MTUS2: variants seen among roughly 807,000 people sequenced by gnomAD.
MTUS2 encodes microtubule associated scaffold protein 2, also known as microtubule-associated tumor suppressor candidate 2.
In MTUS2, 40 loss-of-function variants were observed where a neutral mutation model predicts 114.1. The ratio of observed to expected loss-of-function variants is 0.35; its 90% confidence interval spans 0.27 to 0.46. The LOEUF is 0.46. Ranked by LOEUF, MTUS2 falls within the 20% of genes least tolerant of loss-of-function variation. The probability of loss-of-function intolerance (pLI) is 1.00; values close to 1 mark genes in which losing one functional copy is unlikely to be tolerated. For missense variants in MTUS2, 1,679 were observed against 1,705.4 expected, an observed-to-expected ratio of 0.98 and a Z score of 0.27; for synonymous variants, 688 against 672.0, an observed-to-expected ratio of 1.02 and a Z score of -0.37.
intron 1 of MTUS2, among the ~76,000 whole-genome samples, chr13:28,837,345 A>G (rs1459412988): frequency 2.0e-5 from 3 of 152,168 alleles, no homozygotes; most frequent in African/African-American, 7.2e-5. Flanking sequence ...ACTCTTATCT[A>G]GGATTCTGGG....
intron 5 of MTUS2, among the ~76,000 whole-genome samples, chr13:29,184,755 A>G (rs1267837721): frequency 6.6e-6 from 1 of 152,218 alleles, no homozygotes; most frequent in Non-Finnish European, 1.5e-5. Context: ...CAAACGGACG[A>G]CAAACAGCAA....
chr13:28,932,592 G>C (rs1350772107), intron 2 of MTUS2, among the ~76,000 whole-genome samples: 2 of 152,120 alleles, frequency 1.3e-5, no homozygotes, highest in Non-Finnish European at 2.9e-5. Context: ...CTTTATCCAG[G>C]GCTCCACGGG....
chr13:29,279,251 G>A (rs915730840), intron 5 of MTUS2, among the ~76,000 whole-genome samples: 11 of 152,070 alleles, frequency 7.2e-5, no homozygotes, highest in Non-Finnish European at 1.6e-4. Context: ...TCCCAGATCT[G>A]CACCATTAAC....
At chr13:29,110,971 T>C (rs781433896) in intron 5 of MTUS2, among the ~76,000 whole-genome samples, 3 of 152,212 alleles carry the variant, frequency 2.0e-5, no homozygotes, top group African/African-American at 4.8e-5. Flanking sequence ...GAATGATCTT[T>C]GGGAAAGTCA....
intron 2 of MTUS2, among the ~76,000 whole-genome samples, chr13:28,874,506 A>G (rs1471847012): frequency 1.3e-5 from 2 of 152,084 alleles, no homozygotes; most frequent in Middle Eastern, 3.2e-3. Context: ...GCAGTCATCT[A>G]TAGGTGTGGC....
At chr13:29,213,143 A>G (rs964864980) in intron 5 of MTUS2, among the ~76,000 whole-genome samples, 2 of 152,246 alleles carry the variant, frequency 1.3e-5, no homozygotes, top group African/African-American at 4.8e-5. Context: ...GCAAAGTGCA[A>G]GGCTTTTAGG....
At chr13:29,043,520 A>G (rs1056847243) in intron 4 of MTUS2, among the ~76,000 whole-genome samples, 10 of 152,002 alleles carry the variant, frequency 6.6e-5, no homozygotes, top group Middle Eastern at 3.2e-3. Context: ...TAGTGCTGTC[A>G]GTGGGGTACT....
intron 6 of MTUS2, among the ~76,000 whole-genome samples, chr13:29,303,670 C>T (rs1326067697): frequency 6.6e-6 from 1 of 152,020 alleles, no homozygotes; most frequent in African/African-American, 2.4e-5. Flanking sequence ...GATTGGGGTA[C>T]CTGAAAAAGA....
chr13:29,211,258 G>A (rs1304959283), intron 5 of MTUS2, among the ~76,000 whole-genome samples: 1 of 152,176 alleles, frequency 6.6e-6, no homozygotes, highest in Non-Finnish European at 1.5e-5. Context: ...CTGGGGGAAA[G>A]CTGGCAGTGA....
In MTUS2 at chr13:29,200,623, C is replaced by T. The variant is rs531530132; in HGVS notation, c.2645-81081C>T. Among the ~76,000 whole-genome samples, 138 of 143,326 alleles carry T rather than the reference C, an allele frequency of 9.6e-4. 2 individuals carry two copies. In the South Asian group the frequency reaches 0.025, roughly 26 times the overall value. The allele number at this position is 143,326 out of a possible 152,430, so 94.0% of individuals were successfully genotyped here. On this transcript the variant is annotated intron_variant, in intron 5 of 15. Transcript: ENST00000612955. ...GCACCCTCCATTTCCTGGGTTCAAG[C>T]GATTCTTCTGCCTTAGCCTCCCAAG...
At chr13:29,332,981 T>A (rs182874518) in intron 7 of MTUS2, among the ~76,000 whole-genome samples, 1 of 152,104 alleles carries the variant, frequency 6.6e-6, no homozygotes, top group African/African-American at 2.4e-5. Flanking sequence ...ATTTTAGATC[T>A]TTCCCGCTTT....
chr13:28,828,882 T>TA, intron 1 of MTUS2, among the ~76,000 whole-genome samples: 1 of 152,366 alleles, frequency 6.6e-6, no homozygotes, highest in Admixed American at 6.5e-5. Context: ...ATAGCACTGT[T>TA]ACTGATCCTA....
At chr13:29,446,153 A>C (rs1878264943) in intron 9 of MTUS2, among the ~76,000 whole-genome samples, 1 of 152,202 alleles carries the variant, frequency 6.6e-6, no homozygotes, top group Non-Finnish European at 1.5e-5. Context: ...GAAAAACTCC[A>C]AGCATATTAG....
chr13:29,451,352 A>G (rs1216710558), intron 9 of MTUS2, among the ~76,000 whole-genome samples: 1 of 152,238 alleles, frequency 6.6e-6, no homozygotes, highest in Non-Finnish European at 1.5e-5. Context: ...CAAAGAGGAA[A>G]CCACAAGATA....
chr13:29,163,003 CAT>C (rs79618908), intron 5 of MTUS2, among the ~76,000 whole-genome samples: 136,861 of 152,088 alleles, frequency 0.9, 61,607 homozygotes, highest in Admixed American at 0.93. Flanking sequence ...TCAGTTCTAA[CAT>C]GTGTGTGGGC....
At chr13:29,257,692 A>C (rs1897325752) in intron 5 of MTUS2, among the ~76,000 whole-genome samples, 1 of 152,242 alleles carries the variant, frequency 6.6e-6, no homozygotes, top group South Asian at 2.1e-4. Context: ...GAAGGAAGGT[A>C]ACGTTCACTG....
At chr13:29,126,416 T>C (rs148234780) in intron 5 of MTUS2, among the ~76,000 whole-genome samples, 1 of 152,272 alleles carries the variant, frequency 6.6e-6, no homozygotes, top group Non-Finnish European at 1.5e-5. Flanking sequence ...CACTACAGAA[T>C]TCCCATTTTA....
Position 29,440,184 on chromosome 13 carries a change from C to T in MTUS2, c.3184+135C>T, listed in dbSNP as rs1052700582. ...TAGATGAATGAAGTATCTCACCCAG[C>T]ACAGTGGTGGGCTGCTGTAGCCTTA... On this transcript the variant is annotated intron_variant, in intron 9 of 15. Coordinates refer to ENST00000612955, the MANE Select transcript of MTUS2 (RefSeq NM_001033602.4). The T allele has an allele frequency of 1.1e-5, 9 of 817,206 alleles. 1 individual carries two copies. In the Admixed American group the frequency reaches 1.6e-4, roughly 14 times the overall value. 50.6% of individuals were successfully genotyped at this position (817,206 alleles called of 1,614,324 possible). A position where few individuals can be genotyped will look rare whatever the true frequency, so the allele number is the denominator to read the frequency against.
At chr13:29,285,593 CA>C (rs1387873726) in intron 6 of MTUS2, among the ~76,000 whole-genome samples, 4 of 152,156 alleles carry the variant, frequency 2.6e-5, no homozygotes, top group Non-Finnish European at 5.9e-5. Context: ...CAAAGGAATG[CA>C]GAGAAGCACG....
Sources: allele counts gnomAD v4.1 joint callset (sites outside exome capture counted in the v4.1 genomes callset), GRCh38; gene constraint gnomAD v4.1.1; transcripts MANE v1.5; gene names NCBI Gene and HGNC (gene_info 2026-07-23, HGNC 2026-07-21).